The following DMD variants were observed in gnomAD, a reference collection of about 807,000 sequenced individuals.
DMD encodes the protein dystrophin, also known as mutant dystrophin.
In DMD, 63 loss-of-function variants were observed where a neutral mutation model predicts 330.1. The observed-to-expected ratio is 0.19, with a 90% CI of 0.16 to 0.24. DMD has a LOEUF of 0.24. DMD is among the 10% of genes least tolerant of loss of function. DMD has a pLI of 1.00. For missense variants in DMD, 3,344 were observed against 2,684.1 expected, an observed-to-expected ratio of 1.25 and a Z score of -5.43; for synonymous variants, 1,223 against 959.8, an observed-to-expected ratio of 1.27 and a Z score of -5.07.
intron 54 of DMD, among the ~76,000 whole-genome samples, chrX:31,641,066 T>G (rs763092747): frequency 8.9e-6 from 1 of 112,035 alleles, no homozygotes; most frequent in Non-Finnish European, 1.9e-5. Flanking sequence ...TGGGCTGAGA[T>G]AGAAGACATG....
chrX:31,729,660 T>C lies in DMD; in HGVS notation c.7631A>G (p.Gln2544Arg). The C allele has an allele frequency of 8.3e-7, 1 of 1,211,397 alleles. No homozygotes were observed. The change falls in exon 52 of 79, where the codon CAA becomes CGA. Residue 2544 changes from glutamine to arginine, a missense_variant. Transcript: ENST00000357033. ...ATCCGTAATGATTGTTCTAGCCTCT[T>C]GATTGCTGGTCTTGTTTTTCAAATT... ...AQNLKNKTSN[Q>R]EARTIITDRI...
In DMD at chrX:31,258,126, A is replaced by G. The variant is rs1366734878; in HGVS notation, c.9286+2829T>C. 1.2e-4 allele frequency among the ~76,000 whole-genome samples: 14 copies of G among 112,459 alleles called. No individual in the cohort carries two copies. The Admixed American group carries it at 1.3e-3, about 11-fold the overall frequency. On this transcript the variant is annotated intron_variant, in intron 63 of 78. Transcript: ENST00000357033. ...TCCTATATACGTGTAGCAGGTATGT[A>G]GTAACCAACATAAATATACTTTACC...
At chrX:31,902,401 G>A (rs2094433472) in intron 47 of DMD, among the ~76,000 whole-genome samples, 1 of 111,578 alleles carries the variant, frequency 9.0e-6, no homozygotes, top group Non-Finnish European at 1.9e-5. Flanking sequence ...GCTGAACCTG[G>A]ATTTCTCTTT....
chrX:33,083,442 G>C (rs12842771), intron 1 of DMD, among the ~76,000 whole-genome samples: 1 of 111,464 alleles, frequency 9.0e-6, no homozygotes, highest in Admixed American at 9.6e-5. Flanking sequence ...AGGTGGGGAC[G>C]GATGACCTCT....
At chrX:32,842,438 G>A (rs2080247178) in intron 4 of DMD, among the ~76,000 whole-genome samples, 1 of 112,155 alleles carries the variant, frequency 8.9e-6, no homozygotes, top group South Asian at 3.7e-4. Context: ...ACCCCTGGGT[G>A]GAGATTTTAG....
intron 77 of DMD, among the ~76,000 whole-genome samples, 198 bp downstream of exon 77, chrX:31,133,904 C>T (rs1288893186): frequency 1.8e-5 from 2 of 112,358 alleles, no homozygotes; most frequent in East Asian, 2.8e-4. Flanking sequence ...AAACATGTTG[C>T]CCTCACGGGT....
chrX:32,899,623 G>A (rs1375141555), intron 2 of DMD, among the ~76,000 whole-genome samples: 2 of 101,662 alleles, frequency 2.0e-5, no homozygotes, highest in African/African-American at 3.7e-5. Flanking sequence ...GCAGTGAGCC[G>A]AGATCGCGTC....
chrX:32,998,032 T>G lies in DMD; in HGVS notation c.93+22107A>C, dbSNP rs372279911. On this transcript the variant is annotated intron_variant, in intron 2 of 78. Transcript: ENST00000357033. Reference sequence around the variant, plus strand: ...GTAAACTTTATTGTTTTTTTCTTGTTGATATCTCTTTTGTTATAGGAGTCC... The same window carrying G: ...GTAAACTTTATTGTTTTTTTCTTGTGGATATCTCTTTTGTTATAGGAGTCC... 7.2e-5 allele frequency among the ~76,000 whole-genome samples: 8 copies of G among 110,910 alleles called. 1 individual carries two copies.
At chrX:31,372,803 G>C (rs1602258770) in intron 60 of DMD, among the ~76,000 whole-genome samples, 2 of 111,438 alleles carry the variant, frequency 1.8e-5, no homozygotes, top group South Asian at 3.8e-4. Flanking sequence ...ATTCAACATA[G>C]TGTTGGAAGT....
chrX:31,225,546 C>T (rs1438606042), intron 63 of DMD, among the ~76,000 whole-genome samples: 1 of 112,108 alleles, frequency 8.9e-6, no homozygotes, highest in Non-Finnish European at 1.9e-5. Flanking sequence ...AGCTGTGGTT[C>T]ACCGGATTCT....
At chrX:31,746,492 T>A (rs1305601462) in intron 51 of DMD, among the ~76,000 whole-genome samples, 1 of 112,250 alleles carries the variant, frequency 8.9e-6, no homozygotes, top group African/African-American at 3.2e-5. Context: ...ACCACTCTTG[T>A]GTGATTAAAG....
At chrX:31,575,377 A>G (rs963906304) in intron 55 of DMD, among the ~76,000 whole-genome samples, 1 of 111,922 alleles carries the variant, frequency 8.9e-6, no homozygotes, top group African/African-American at 3.2e-5. Flanking sequence ...AGCTGGAACT[A>G]TATCGAGCTC....
At chrX:33,135,638 G>T (rs1364351610) in intron 1 of DMD, among the ~76,000 whole-genome samples, 1 of 111,904 alleles carries the variant, frequency 8.9e-6, no homozygotes, top group Admixed American at 9.5e-5. Context: ...TATTCTTAGT[G>T]GTTAAAAACC....
At chrX:32,720,177 G>C (rs1397879889) in intron 7 of DMD, among the ~76,000 whole-genome samples, 1 of 110,801 alleles carries the variant, frequency 9.0e-6, no homozygotes, top group Non-Finnish European at 1.9e-5. Context: ...AAGAGTTTTT[G>C]TCTACCACAA....
intron 59 of DMD, among the ~76,000 whole-genome samples, chrX:31,474,112 T>C (rs748344930): frequency 8.9e-6 from 1 of 111,982 alleles, no homozygotes; most frequent in Non-Finnish European, 1.9e-5. Context: ...GTGAGCAATA[T>C]AGTCAATATT....
intron 55 of DMD, among the ~76,000 whole-genome samples, chrX:31,555,777 T>C (rs772766673): frequency 9.8e-5 from 11 of 112,210 alleles, no homozygotes; most frequent in Non-Finnish European, 2.1e-4. Context: ...ACAAGACATA[T>C]AATGTTGTGT....
intron 60 of DMD, among the ~76,000 whole-genome samples, chrX:31,352,964 C>T (rs891591035): frequency 1.6e-4 from 18 of 111,389 alleles, no homozygotes; most frequent in African/African-American, 5.9e-4. Context: ...ATCAATATAC[C>T]GTGGTATATA....
intron 11 of DMD, among the ~76,000 whole-genome samples, chrX:32,624,901 C>T (rs895652161): frequency 1.8e-5 from 2 of 111,895 alleles, no homozygotes; most frequent in Non-Finnish European, 3.8e-5. Flanking sequence ...CGGCTGGGTG[C>T]GATGGCTCAC....
chrX:31,985,519 T>A (rs2150283186), intron 44 of DMD, among the ~76,000 whole-genome samples: 1 of 112,742 alleles, frequency 8.9e-6, no homozygotes, highest in Non-Finnish European at 1.9e-5. Flanking sequence ...AACATCGACA[T>A]TTAAATTTTG....
Sources: gnomAD v4.1 joint callset for allele counts (sites outside exome capture counted in the v4.1 genomes callset) on GRCh38, gnomAD v4.1.1 for gene constraint, MANE v1.5 for transcripts, NCBI Gene and HGNC (gene_info 2026-07-23, HGNC 2026-07-21) for gene names.